DLG3: variants seen among roughly 807,000 people sequenced by gnomAD.
The protein encoded by DLG3 is disks large homolog 3.
DLG3 carries 1 observed loss-of-function variant against 64.1 expected under a neutral mutation model. The observed-to-expected ratio is 0.02, with a 90% CI of 0.01 to 0.07. DLG3 has a LOEUF of 0.07. DLG3 is among the 10% of genes least tolerant of loss of function. DLG3 has a pLI of 1.00. For synonymous variants in DLG3, 245 were observed against 259.8 expected (o/e 0.94, Z 0.55); for missense variants, 429 against 669.5 (o/e 0.64, Z 3.96).
intron 6 of DLG3, 103 bp from the exon 7 acceptor site, chrX:70,451,764 T>C (rs932644474): frequency 2.0e-6 from 2 of 995,580 alleles, no homozygotes; most frequent in African/African-American, 3.7e-5. Flanking sequence ...CATCCCTTGG[T>C]CTCTTTTGCA....
chrX:70,499,750 C>T, intron 15 of DLG3, 127 bp from the exon 16 acceptor site: 1 of 656,393 alleles, frequency 1.5e-6, no homozygotes, highest in Admixed American at 2.7e-5. Context: ...TGTTTTCTCC[C>T]ACTTACTTGA....
In DLG3 at chrX:70,501,009, G is replaced by A; in HGVS notation, c.2347+20G>A. The A allele has an allele frequency of 1.8e-6, 2 of 1,124,394 alleles. No homozygotes were observed. Among genetic ancestry groups the A allele is most frequent in the Non-Finnish European group, 1.2e-6 (1 of 827,598 alleles). The allele number at this position is 1,124,394 out of a possible 1,213,427, so 92.7% of individuals were successfully genotyped here. A position where few individuals can be genotyped will look rare whatever the true frequency, so the allele number is the denominator to read the frequency against. ...TTACAGGTAAGACTCCTGCTGCCCT[G>A]CGGGGGGTTCTGGGGAACTAGCCAG... On this transcript the variant is annotated intron_variant, in intron 18 of 18. Transcript: ENST00000374360.
Position 70,500,538 on chromosome X carries a change from C to T in DLG3, c.2213C>T (p.Pro738Leu), listed in dbSNP as rs1300460121. Residue 738 changes from proline to leucine, a missense_variant, in exon 17 of 19, where the codon CCC becomes CTC. Coordinates refer to ENST00000374360, the MANE Select transcript of DLG3 (RefSeq NM_021120.4). ...AGACTGCAGCAAGCACAACTTTACC[C>T]CATTGCCATTTTCATCAAGCCCAAG... ...IKRLQQAQLY[P>L]IAIFIKPKSI... The T allele has an allele frequency of 8.3e-7, 1 of 1,210,456 alleles. No individual in the cohort carries two copies. The highest frequency in any genetic ancestry group is 2.2e-5 in the Admixed American group (1 of 45,979).
At chrX:70,477,131 T>A (rs888026418) in intron 9 of DLG3, among the ~76,000 whole-genome samples, 2 of 112,436 alleles carry the variant, frequency 1.8e-5, no homozygotes, top group African/African-American at 6.5e-5. Flanking sequence ...TTTAAAGAAA[T>A]GTAGTTACTA....
chrX:70,501,264 T>C (rs2087552792), intron 18 of DLG3, among the ~76,000 whole-genome samples: 2 of 111,242 alleles, frequency 1.8e-5, no homozygotes, highest in Non-Finnish European at 3.8e-5. Flanking sequence ...GTAGGCTCCC[T>C]GTATTACTCT....
At chrX:70,473,821 T>C (rs1422750208) in intron 9 of DLG3, among the ~76,000 whole-genome samples, 2 of 111,751 alleles carry the variant, frequency 1.8e-5, no homozygotes, top group African/African-American at 6.5e-5. Context: ...CTTGAACTCC[T>C]GGTTTCAAGC....
At chrX:70,484,917 G>C (rs1275867499) in intron 10 of DLG3, among the ~76,000 whole-genome samples, 1 of 111,906 alleles carries the variant, frequency 8.9e-6, no homozygotes, top group African/African-American at 3.3e-5. Context: ...CTGAGTGCTC[G>C]GGTTTGTGCT....
At chrX:70,469,103 T>C (rs756007428) in intron 9 of DLG3, among the ~76,000 whole-genome samples, 1 of 110,244 alleles carries the variant, frequency 9.1e-6, no homozygotes, top group African/African-American at 3.3e-5. Context: ...CTTGAACCCC[T>C]GGGCTCAAGC....
chrX:70,494,199 G>A (rs2087412227), intron 12 of DLG3, among the ~76,000 whole-genome samples: 1 of 112,730 alleles, frequency 8.9e-6, no homozygotes, highest in African/African-American at 3.2e-5. Flanking sequence ...TTCAACGGAA[G>A]AAGAAATTTA....
At chrX:70,454,965 G>T in intron 9 of DLG3, 1 of 681,669 alleles carries the variant, frequency 1.5e-6, no homozygotes, top group South Asian at 7.5e-5. Context: ...CCCAGGTGCC[G>T]AGGTGAGCCG....
At position 70,479,284 on chromosome X, in the gene DLG3, A is replaced by C. The variant is rs1409942525; in HGVS notation, c.1520+20A>C. 5.6e-5 allele frequency: 63 copies of C among 1,127,036 alleles called. No homozygotes were observed. The highest frequency in any genetic ancestry group is 7.6e-5 in the Non-Finnish European group (62 of 819,216). 92.9% of individuals were successfully genotyped at this position (1,127,036 alleles called of 1,213,427 possible). A position where few individuals can be genotyped will look rare whatever the true frequency, so the allele number is the denominator to read the frequency against. The stretch of plus-strand genomic sequence containing the variant: ...TGTCAGGTAAGTTGCCCTTCAGAGC[A>C]CTAGCCCTTGTGCTGGACGAGGAGA... On this transcript the variant is annotated intron_variant, in intron 10 of 18. Coordinates refer to ENST00000374360, the MANE Select transcript of DLG3 (RefSeq NM_021120.4).
chrX:70,502,291 C>T lies in DLG3; in HGVS notation c.*22C>T, dbSNP rs4419981. 3 of 1,083,330 alleles carry T rather than the reference C, an allele frequency of 2.8e-6. No homozygotes were observed. Among genetic ancestry groups the T allele is most frequent in the African/African-American group, 3.6e-5 (2 of 55,200 alleles). The allele number at this position is 1,083,330 out of a possible 1,213,427, so 89.3% of individuals were successfully genotyped here. A position where few individuals can be genotyped will look rare whatever the true frequency, so the allele number is the denominator to read the frequency against. On this transcript the variant is annotated 3_prime_UTR_variant, in exon 19 of 19. Transcript: ENST00000374360. ...CTGAAGAATCCCCTCCAACCATTCT[C>T]TTGTGAACAGAAGAAATCAAGTCCC...
chrX:70,499,108 G>A, intron 14 of DLG3, 68 bp from the exon 15 acceptor site: 1 of 793,754 alleles, frequency 1.3e-6, no homozygotes, highest in Non-Finnish European at 1.9e-6. Flanking sequence ...GTTCTAGCCA[G>A]ACTCAGGGGT....
At chrX:70,480,620 T>C (rs2087136415) in intron 10 of DLG3, among the ~76,000 whole-genome samples, 1 of 112,194 alleles carries the variant, frequency 8.9e-6, no homozygotes, top group African/African-American at 3.2e-5. Context: ...GCTCCCAGTC[T>C]GCAGCCTGGA....
chrX:70,502,491 T>C lies in DLG3; in HGVS notation c.*222T>C, dbSNP rs2087583645. 4 of 360,647 alleles carry C rather than the reference T, an allele frequency of 1.1e-5. No homozygotes were observed. In the Admixed American group the frequency reaches 1.9e-4, roughly 17 times the overall value. 29.7% of individuals were successfully genotyped at this position (360,647 alleles called of 1,213,427 possible). ...TGGGATGATGCCATCTCATTCATCA[T>C]GTGACTGTGCCCATTCCTGCATGGA... On this transcript the variant is annotated 3_prime_UTR_variant, in exon 19 of 19. Transcript: ENST00000374360.
intron 9 of DLG3, among the ~76,000 whole-genome samples, chrX:70,456,292 C>T (rs763296827): frequency 6.2e-5 from 7 of 112,491 alleles, no homozygotes; most frequent in Non-Finnish European, 9.4e-5. Context: ...ATTTCATGCC[C>T]ACAACTTAGA....
At chrX:70,459,119 G>A (rs770855155) in intron 9 of DLG3, among the ~76,000 whole-genome samples, 3 of 111,873 alleles carry the variant, frequency 2.7e-5, no homozygotes, top group African/African-American at 9.7e-5. Context: ...TGTTTTTAGA[G>A]TAGAAACTGA....
chrX:70,486,331 A>G (rs1299369531), intron 10 of DLG3, among the ~76,000 whole-genome samples: 2 of 112,317 alleles, frequency 1.8e-5, no homozygotes, highest in African/African-American at 3.2e-5. Flanking sequence ...TACATCAAGC[A>G]CTGTGACTTC....
At chrX:70,486,650 CTTTT>C (rs371561978) in intron 10 of DLG3, among the ~76,000 whole-genome samples, 1 of 71,628 alleles carries the variant, frequency 1.4e-5, no homozygotes, top group Non-Finnish European at 2.8e-5. Context: ...ATACCTTTTG[CTTTT>C]TTTTTTTTTT....
Sources: gnomAD v4.1 joint callset for allele counts (sites outside exome capture counted in the v4.1 genomes callset) on GRCh38, gnomAD v4.1.1 for gene constraint, MANE v1.5 for transcripts, NCBI Gene and HGNC (gene_info 2026-07-23, HGNC 2026-07-21) for gene names.